CREB5: variants seen among roughly 807,000 people sequenced by gnomAD.
The protein encoded by CREB5 is cAMP responsive element binding protein 5, also known as cyclic AMP-responsive element-binding protein 5.
Under a neutral mutation model 57.1 loss-of-function variants are expected in CREB5, and 19 were observed. That is an observed-to-expected ratio of 0.33 (90% CI 0.23 to 0.49). The LOEUF (loss-of-function observed/expected upper bound fraction) is 0.49. Ranked by LOEUF, CREB5 falls within the 20% of genes least tolerant of loss-of-function variation. CREB5 has a pLI of 0.99. For missense variants in CREB5, 579 were observed against 671.6 expected (o/e 0.86, Z 1.52); for synonymous variants, 238 against 238.3 (o/e 1.00, Z 0.01).
intron 5 of CREB5, among the ~76,000 whole-genome samples, chr7:28,602,931 C>T (rs372879410): frequency 1.3e-5 from 2 of 152,158 alleles, no homozygotes; most frequent in African/African-American, 4.8e-5. Flanking sequence ...TGATCTTGTA[C>T]TCTAATTATG....
At chr7:28,519,654 G>A (rs1380271740) in intron 4 of CREB5, among the ~76,000 whole-genome samples, 1 of 152,186 alleles carries the variant, frequency 6.6e-6, no homozygotes, top group Non-Finnish European at 1.5e-5. Flanking sequence ...TGGGAGAGAG[G>A]CACTACTTTG....
intron 5 of CREB5, among the ~76,000 whole-genome samples, chr7:28,665,678 T>C (rs556788147): frequency 6.6e-6 from 1 of 152,306 alleles, no homozygotes; most frequent in African/African-American, 2.4e-5. Flanking sequence ...CTTGAACTGA[T>C]AATTCTCAGA....
At chr7:28,506,253 T>C (rs994468977) in intron 3 of CREB5, among the ~76,000 whole-genome samples, 1 of 152,258 alleles carries the variant, frequency 6.6e-6, no homozygotes, top group African/African-American at 2.4e-5. Context: ...TTTACTGGGC[T>C]TAACTATTCT....
intron 1 of CREB5, among the ~76,000 whole-genome samples, chr7:28,400,532 G>A (rs1468887423): frequency 6.6e-6 from 1 of 152,174 alleles, no homozygotes; most frequent in Non-Finnish European, 1.5e-5. Context: ...TGTCAAGTAA[G>A]GGCATTGTTA....
At chr7:28,657,658 A>G (rs1562553634) in intron 5 of CREB5, among the ~76,000 whole-genome samples, 1 of 140,624 alleles carries the variant, frequency 7.1e-6, no homozygotes, top group Non-Finnish European at 1.5e-5. Flanking sequence ...CAGAGGTTGC[A>G]GTGAGCGGAG....
chr7:28,516,228 TAAAGA>T (rs1792948615), intron 4 of CREB5, among the ~76,000 whole-genome samples: 1 of 151,920 alleles, frequency 6.6e-6, no homozygotes, highest in South Asian at 2.1e-4. Flanking sequence ...AAAAAAAAAG[TAAAGA>T]AAACAATTGT....
At chr7:28,537,886 C>A (rs1794029657) in intron 4 of CREB5, among the ~76,000 whole-genome samples, 1 of 152,146 alleles carries the variant, frequency 6.6e-6, no homozygotes, top group Non-Finnish European at 1.5e-5. Context: ...CTTACTCTAT[C>A]TTGATGTACA....
intron 7 of CREB5, among the ~76,000 whole-genome samples, chr7:28,753,783 A>G (rs1439198129): frequency 6.6e-6 from 1 of 152,144 alleles, no homozygotes; most frequent in Non-Finnish European, 1.5e-5. Context: ...GATGATGTGC[A>G]TTTGGAGAAA....
At chr7:28,410,346 T>A, upstream of CREB5, 1 of 456,514 alleles carries the variant, frequency 2.2e-6, no homozygotes, top group Non-Finnish European at 4.4e-6. Flanking sequence ...CGGCTCGAGC[T>A]TTGGCGGCGC....
At chr7:28,693,765 A>G (rs866894452) in intron 5 of CREB5, among the ~76,000 whole-genome samples, 1 of 152,222 alleles carries the variant, frequency 6.6e-6, no homozygotes, top group Admixed American at 6.5e-5. Context: ...AGCATAATAC[A>G]CTTAGCATAG....
At chr7:28,632,928 C>T (rs1202217336) in intron 5 of CREB5, among the ~76,000 whole-genome samples, 5 of 152,154 alleles carry the variant, frequency 3.3e-5, no homozygotes, top group African/African-American at 1.2e-4. Flanking sequence ...CCCTGAGTCG[C>T]TAGTTTGTAT....
At chr7:28,402,876 A>C (rs531869639) in intron 1 of CREB5, among the ~76,000 whole-genome samples, 1 of 152,316 alleles carries the variant, frequency 6.6e-6, no homozygotes, top group East Asian at 1.9e-4. Context: ...CTACCATCAG[A>C]GTGTATAGGC....
chr7:28,393,954 A>T (rs544782433), intron 1 of CREB5, among the ~76,000 whole-genome samples: 6 of 152,016 alleles, frequency 3.9e-5, no homozygotes, highest in Admixed American at 2.6e-4. Context: ...GCACACCTGT[A>T]GTCCCAGTTA....
chr7:28,750,032 A>G lies in CREB5; in HGVS notation c.702+25700A>G, dbSNP rs556218720. On this transcript the variant is annotated intron_variant, in intron 7 of 10. Coordinates refer to ENST00000357727, the MANE Select transcript of CREB5 (RefSeq NM_182898.4). The stretch of plus-strand genomic sequence containing the variant: ...TTTAACAATAAATCAATATATGTAA[A>G]TGATAAAGTATGTTTCCTAACTGTT... Among the ~76,000 whole-genome samples the G allele has an allele frequency of 2.0e-5, 3 of 152,328 alleles. No individual in the cohort carries two copies. The East Asian group carries it at 5.8e-4, about 29-fold the overall frequency.
At chr7:28,698,776 G>C (rs1801700523) in intron 5 of CREB5, among the ~76,000 whole-genome samples, 1 of 152,200 alleles carries the variant, frequency 6.6e-6, no homozygotes, top group Non-Finnish European at 1.5e-5. Flanking sequence ...TTCTGTTATA[G>C]CTTCTCTGTT....
chr7:28,696,308 G>T (rs1382889992), intron 5 of CREB5, among the ~76,000 whole-genome samples: 1 of 152,236 alleles, frequency 6.6e-6, no homozygotes, highest in Non-Finnish European at 1.5e-5. Context: ...CAGCTGTGCG[G>T]ATGCACTGAA....
chr7:28,390,570 G>A (rs889425080), intron 1 of CREB5, among the ~76,000 whole-genome samples: 1 of 152,070 alleles, frequency 6.6e-6, no homozygotes, highest in Non-Finnish European at 1.5e-5. Context: ...ACTTTTAACC[G>A]TGGGGTTTTG....
intron 3 of CREB5, among the ~76,000 whole-genome samples, chr7:28,495,358 A>G (rs1239703309): frequency 6.6e-6 from 1 of 152,084 alleles, no homozygotes; most frequent in Non-Finnish European, 1.5e-5. Context: ...CCTGGTCAAC[A>G]TGGTGAAACC....
intron 1 of CREB5, among the ~76,000 whole-genome samples, chr7:28,362,254 A>C (rs1337168274): frequency 6.6e-6 from 1 of 152,230 alleles, no homozygotes. Context: ...AAGCAATGGC[A>C]CTGGCTAGTG....
Sources: gnomAD v4.1 joint callset for allele counts (sites outside exome capture counted in the v4.1 genomes callset) on GRCh38, gnomAD v4.1.1 for gene constraint, MANE v1.5 for transcripts, NCBI Gene and HGNC (gene_info 2026-07-23, HGNC 2026-07-21) for gene names.